The following ALG11 variants were observed in gnomAD, a reference collection of about 807,000 sequenced individuals.
The protein encoded by ALG11 is ALG11 alpha-1,2-mannosyltransferase.
ALG11 carries 26 observed loss-of-function variants against 38.8 expected under a neutral mutation model. The observed-to-expected ratio is 0.67, with a 90% CI of 0.49 to 0.93. ALG11 has a LOEUF of 0.93. ALG11 is among the 40% of genes least tolerant of loss of function. The probability of loss-of-function intolerance (pLI) is 0.00; values close to 1 mark genes in which losing one functional copy is unlikely to be tolerated. For missense variants in ALG11, 535 were observed against 578.8 expected (o/e 0.92, Z 0.78); for synonymous variants, 199 against 211.6 (o/e 0.94, Z 0.52).
rs774331210 is a variant in ALG11, at chr13:52,024,153, T to G, written c.423T>G (p.Asp141Glu). 15 of 1,614,062 alleles carry G rather than the reference T, an allele frequency of 9.3e-6. No homozygotes were observed. Among genetic ancestry groups the G allele is most frequent in the Non-Finnish European group, 2.5e-6 (3 of 1,180,026 alleles). Residue 141 changes from aspartate to glutamate, a missense_variant, in exon 3 of 4, where the codon GAT becomes GAG. Physicochemically the swap from Asp to Glu is conservative, Grantham distance 45 (BLOSUM62 2). Coordinates refer to ENST00000521508, the MANE Select transcript of ALG11 (RefSeq NM_001004127.3). ...TAAGGAAACGCTATCTTGTGGAAGA[T>G]TCACTGTATCCTCACTTCACACTGC... ...VFLRKRYLVE[D>E]SLYPHFTLLG...
At position 52,029,837 on chromosome 13, in the gene ALG11, G is replaced by A; in HGVS notation, c.*1247G>A. 6.2e-7 allele frequency: 1 copy of A among 1,614,252 alleles called. No homozygotes were observed. ...CCAGGTAGCCTCTGAGAGTGAGGAA[G>A]AGGAGGGAGGCACAGAAGTGGAAGA... On this transcript the variant is annotated 3_prime_UTR_variant, in exon 4 of 4. Transcript: ENST00000521508.
At position 52,024,238 on chromosome 13, in the gene ALG11, G is replaced by T; in HGVS notation, c.508G>T (p.Asp170Tyr). 6.2e-7 allele frequency: 1 copy of T among 1,614,124 alleles called. No homozygotes were observed. The highest frequency in any genetic ancestry group is 8.5e-7 in the Non-Finnish European group (1 of 1,180,018). Residue 170 changes from aspartate to tyrosine, a missense_variant, in exon 3 of 4, where the codon GAT becomes TAT. By Grantham distance (160) the Asp-to-Tyr change is radical (BLOSUM62 -3). Coordinates refer to ENST00000521508, the MANE Select transcript of ALG11 (RefSeq NM_001004127.3). ...GGAAGCTCTAATGCAGTGTGTTCCT[G>T]ATGTTTACATTGATTCAATGGGATA... is the stretch of plus-strand genomic sequence containing the variant. ...GWEALMQCVPDVYIDSMGYAF... is the reference protein window; with the variant it reads ...GWEALMQCVPYVYIDSMGYAF...
At position 52,024,199 on chromosome 13, in the gene ALG11, A is replaced by G. The variant is rs977611442; in HGVS notation, c.469A>G (p.Ile157Val). Reference protein sequence around the residue: ...FTLLGQSLGSIFLGWEALMQC... With the variant: ...FTLLGQSLGSVFLGWEALMQC... ...ACTGCTGGGCCAAAGTCTAGGATCC[A>G]TTTTTCTTGGCTGGGAAGCTCTAAT... The change falls in exon 3 of 4, where the codon ATT (isoleucine) becomes GTT (valine). Residue 157 changes from isoleucine to valine, a missense_variant. Transcript: ENST00000521508. The G allele has an allele frequency of 1.3e-5, 21 of 1,613,968 alleles. No homozygotes were observed. The South Asian group carries it at 1.5e-4, about 12-fold the overall frequency.
rs1328864561 is a variant in ALG11, at chr13:52,029,716, G to A, written c.*1126G>A. ...TTAAGCACCAAAACAGTGGGAAATG[G>A]GCCAAGTCAAAGGCAATTATGGCCA... On this transcript the variant is annotated 3_prime_UTR_variant, in exon 4 of 4. Coordinates refer to ENST00000521508, the MANE Select transcript of ALG11 (RefSeq NM_001004127.3). The A allele has an allele frequency of 1.9e-6, 3 of 1,614,038 alleles. No homozygotes were observed. In the African/African-American group the frequency reaches 4.0e-5, roughly 22 times the overall value.
At chr13:52,025,769 C>T (rs1954234726) in intron 3 of ALG11, among the ~76,000 whole-genome samples, 4 of 152,248 alleles carry the variant, frequency 2.6e-5, no homozygotes, top group Admixed American at 2.0e-4. Flanking sequence ...TTGTGCCTCA[C>T]ACTGTTAGTT....
Position 52,030,968 on chromosome 13 carries a change from A to G in ALG11, c.*2378A>G, listed in dbSNP as rs374512750. The G allele has an allele frequency of 7.4e-6, 12 of 1,614,104 alleles. No homozygotes were observed. The highest frequency in any genetic ancestry group is 1.6e-4 in the Middle Eastern group (1 of 6,084). ...AAAGCTGACTACTCCCAAGGTCGTC[A>G]CCAAGCCAGGCCATATCATTAAGCC... On this transcript the variant is annotated 3_prime_UTR_variant, in exon 4 of 4. Coordinates refer to ENST00000521508, the MANE Select transcript of ALG11 (RefSeq NM_001004127.3).
At chr13:52,027,496 C>T (rs1340552826) in intron 3 of ALG11, among the ~76,000 whole-genome samples, 1 of 152,194 alleles carries the variant, frequency 6.6e-6, no homozygotes, top group African/African-American at 2.4e-5. Flanking sequence ...AATTTCTCTC[C>T]TATACATCCA....
chr13:52,022,194 C>A (rs1450458707), intron 2 of ALG11: 1 of 152,146 alleles, frequency 6.6e-6, no homozygotes, highest in Admixed American at 6.5e-5. Flanking sequence ...GGCAAAACCC[C>A]TTCTCTACTT....
rs1954163649 is a variant in ALG11, at chr13:52,019,238, T to TTTC, written c.275+96_275+97insTCT. The TTTC allele has an allele frequency of 6.4e-6, 7 of 1,088,370 alleles. No homozygotes were observed. The African/African-American group carries it at 1.2e-4, about 18-fold the overall frequency. The allele number at this position is 1,088,370 out of a possible 1,614,324, so 67.4% of individuals were successfully genotyped here. A position where few individuals can be genotyped will look rare whatever the true frequency, so the allele number is the denominator to read the frequency against. On this transcript the variant is annotated intron_variant, in intron 2 of 3. Coordinates refer to ENST00000521508, the MANE Select transcript of ALG11 (RefSeq NM_001004127.3). ...CATCTTTTTTTTTTTTTTTTTTTTT[T>TTTC]TGAGACAGAGTCTTACTCTGTCACC...
chr13:52,025,060 A>C, intron 3 of ALG11, 123 bp downstream of exon 3: 1 of 1,119,876 alleles, frequency 8.9e-7, no homozygotes. Context: ...TCATCCACCA[A>C]ATGTGCTTTC....
chr13:52,028,684 C>T lies in ALG11; in HGVS notation c.*94C>T. 1.3e-6 allele frequency: 2 copies of T among 1,559,828 alleles called. No homozygotes were observed. The highest frequency in any genetic ancestry group is 2.3e-5 in the South Asian group (2 of 87,618). On this transcript the variant is annotated 3_prime_UTR_variant, in exon 4 of 4. Coordinates refer to ENST00000521508, the MANE Select transcript of ALG11 (RefSeq NM_001004127.3). ...CTAAATTCAATCTCATTTGTCAAAT[C>T]ATTTTACTTTAGAAAACAGACAAAA...
chr13:52,024,275 T>C lies in ALG11; in HGVS notation c.545T>C (p.Leu182Pro), dbSNP rs1223785353. 6.2e-7 allele frequency: 1 copy of C among 1,614,078 alleles called. No individual in the cohort carries two copies. Among genetic ancestry groups the C allele is most frequent in the East Asian group, 2.2e-5 (1 of 44,886 alleles). The change falls in exon 3 of 4, where the codon CTT (leucine) becomes CCT (proline). Residue 182 changes from leucine (L) to proline (P), a missense_variant. By Grantham distance (98) the Leu-to-Pro change is moderately conservative. Transcript: ENST00000521508. ...YIDSMGYAFTLPLFKYIGGCQ... is the reference protein window; with the variant it reads ...YIDSMGYAFTPPLFKYIGGCQ... ...GATTCAATGGGATACGCTTTTACGC[T>C]TCCTCTGTTTAAGTATATAGGGGGT...
At chr13:52,020,277 T>C (rs1426414214) in intron 2 of ALG11, among the ~76,000 whole-genome samples, 1 of 152,176 alleles carries the variant, frequency 6.6e-6, no homozygotes, top group African/African-American at 2.4e-5. Flanking sequence ...AAAATATTTA[T>C]GATTCTCTTT....
At position 52,029,431 on chromosome 13, in the gene ALG11, C is replaced by A. The variant is rs1324861744; in HGVS notation, c.*841C>A. ...CTTTACTGACTCCCATGGAAAAGGC[C>A]TCTCTCCAAGCCATGAGCCTGGAAG... On this transcript the variant is annotated 3_prime_UTR_variant, in exon 4 of 4. Coordinates refer to ENST00000521508, the MANE Select transcript of ALG11 (RefSeq NM_001004127.3). 1.2e-6 allele frequency: 2 copies of A among 1,614,078 alleles called. No homozygotes were observed. Among genetic ancestry groups the A allele is most frequent in the Non-Finnish European group, 8.5e-7 (1 of 1,180,052 alleles).
intron 3 of ALG11, among the ~76,000 whole-genome samples, chr13:52,025,750 T>C (rs1954234294): frequency 6.6e-6 from 1 of 152,258 alleles, no homozygotes; most frequent in Admixed American, 6.5e-5. Context: ...CATATATTTC[T>C]CAAGCGCTTT....
Position 52,018,925 on chromosome 13 carries a change from A to G in ALG11, c.57A>G (p.Ser19=). 6.2e-7 allele frequency: 1 copy of G among 1,613,812 alleles called. No homozygotes were observed. The highest frequency in any genetic ancestry group is 8.5e-7 in the Non-Finnish European group (1 of 1,179,926). Residue 19 remains serine, a synonymous_variant, in exon 2 of 4, where the codon TCA becomes TCG. Coordinates refer to ENST00000521508, the MANE Select transcript of ALG11 (RefSeq NM_001004127.3). ...CLCKLLRFFY[S]LFFPGLIVCG... Reference sequence around the variant, plus strand: ...CCTCTTATTTCAGGTTTTTTTATTCATTATTCTTCCCTGGGCTCATTGTAT... The same window carrying G: ...CCTCTTATTTCAGGTTTTTTTATTCGTTATTCTTCCCTGGGCTCATTGTAT...
chr13:52,013,360 T>C (rs999247373), intron 1 of ALG11, among the ~76,000 whole-genome samples: 1 of 152,268 alleles, frequency 6.6e-6, no homozygotes, highest in African/African-American at 2.4e-5. Context: ...TTGTCCACTC[T>C]ACTTCAAATT....
chr13:52,027,451 G>A (rs562474322), intron 3 of ALG11, among the ~76,000 whole-genome samples: 1 of 152,148 alleles, frequency 6.6e-6, no homozygotes, highest in Non-Finnish European at 1.5e-5. Context: ...GTTCTGCAGG[G>A]ATTTCACCAG....
In ALG11 at chr13:52,029,312, A is replaced by C. The variant is rs73184339; in HGVS notation, c.*722A>C. 6.2e-7 allele frequency: 1 copy of C among 1,614,194 alleles called. No homozygotes were observed. Among genetic ancestry groups the C allele is most frequent in the Admixed American group, 1.7e-5 (1 of 60,036 alleles). On this transcript the variant is annotated 3_prime_UTR_variant, in exon 4 of 4. Coordinates refer to ENST00000521508, the MANE Select transcript of ALG11 (RefSeq NM_001004127.3). ...GAAGGAGCAGCCAGCCATTGCTCCC[A>C]TTGAACATGCGCTCAGTGGCTGGAA...
Sources: gnomAD v4.1 joint callset for allele counts (sites outside exome capture counted in the v4.1 genomes callset) on GRCh38, gnomAD v4.1.1 for gene constraint, MANE v1.5 for transcripts, NCBI Gene and HGNC (gene_info 2026-07-23, HGNC 2026-07-21) for gene names.